The following ROBO2 variants were observed in gnomAD, a reference collection of about 807,000 sequenced individuals.
ROBO2 encodes the protein roundabout homolog 2.
In ROBO2, 53 loss-of-function variants were observed where a neutral mutation model predicts 160.8. The observed-to-expected ratio is 0.33, with a 90% CI of 0.26 to 0.41. ROBO2 has a LOEUF of 0.41. Among genes scored for constraint, ROBO2 ranks in the 10% least tolerant of loss-of-function variants. The pLI is 1.00. For missense variants in ROBO2, 1,577 were observed against 1,722.4 expected (o/e 0.92, Z 1.49); for synonymous variants, 664 against 611.7 (o/e 1.09, Z -1.26).
chr3:75,971,133 G>A (rs530562501), intron 2 of ROBO2, among the ~76,000 whole-genome samples: 2 of 151,344 alleles, frequency 1.3e-5, no homozygotes, highest in East Asian at 3.9e-4. Context: ...AATTAGATGT[G>A]ATTATGACCA....
At chr3:77,638,919 C>T (rs550834755) in intron 24 of ROBO2, among the ~76,000 whole-genome samples, 22 of 149,184 alleles carry the variant, frequency 1.5e-4, no homozygotes, top group Admixed American at 2.0e-4. Flanking sequence ...TCCCACCTTC[C>T]GGGTTCAAGC....
intron 2 of ROBO2, among the ~76,000 whole-genome samples, chr3:77,283,187 G>T (rs971679370): frequency 4.6e-5 from 7 of 152,118 alleles, no homozygotes; most frequent in African/African-American, 1.7e-4. Context: ...AAATGAAGAT[G>T]CATGAAAATA....
At chr3:77,418,424 A>G (rs1255771142) in intron 2 of ROBO2, among the ~76,000 whole-genome samples, 1 of 152,110 alleles carries the variant, frequency 6.6e-6, no homozygotes, top group Non-Finnish European at 1.5e-5. Flanking sequence ...TAAATTAATC[A>G]TGGCTCAATT....
chr3:76,545,618 G>A (rs544008379), intron 2 of ROBO2, among the ~76,000 whole-genome samples: 4 of 151,890 alleles, frequency 2.6e-5, no homozygotes, highest in South Asian at 2.1e-4. Flanking sequence ...TTTGACTCTC[G>A]TGAAATATGT....
chr3:76,456,986 C>T (rs1374228884), intron 2 of ROBO2, among the ~76,000 whole-genome samples: 1 of 152,118 alleles, frequency 6.6e-6, no homozygotes, highest in Non-Finnish European at 1.5e-5. Flanking sequence ...GGGTTCCTCC[C>T]ATAACATGTG....
intron 12 of ROBO2, among the ~76,000 whole-genome samples, chr3:77,566,441 TAA>T (rs1190385985): frequency 6.6e-6 from 1 of 152,120 alleles, no homozygotes; most frequent in South Asian, 2.1e-4. Flanking sequence ...GTGTTTGAAT[TAA>T]GTGTGTAAAT....
chr3:76,494,711 T>G (rs1193172082), intron 2 of ROBO2, among the ~76,000 whole-genome samples: 2 of 152,260 alleles, frequency 1.3e-5, no homozygotes, highest in Non-Finnish European at 1.5e-5. Context: ...CTGGCAGAAG[T>G]TGGGGTGGCG....
chr3:77,186,955 G>A (rs865788174), intron 2 of ROBO2, among the ~76,000 whole-genome samples: 26 of 151,970 alleles, frequency 1.7e-4, no homozygotes, highest in Middle Eastern at 6.8e-3. Context: ...TCACACTTGC[G>A]GTATTCAAGA....
intron 1 of ROBO2, among the ~76,000 whole-genome samples, chr3:77,079,025 C>G (rs745583590): frequency 2.0e-5 from 3 of 152,162 alleles, no homozygotes; most frequent in Non-Finnish European, 4.4e-5. Flanking sequence ...CTCACTGCAA[C>G]CTCTGCCCCC....
chr3:76,286,371 C>A (rs984227776), intron 2 of ROBO2, among the ~76,000 whole-genome samples: 1 of 152,046 alleles, frequency 6.6e-6, no homozygotes, highest in Non-Finnish European at 1.5e-5. Context: ...GGGTCTAGTG[C>A]AAAACTCTTG....
intron 2 of ROBO2, among the ~76,000 whole-genome samples, chr3:77,114,628 G>A (rs2074014354): frequency 6.6e-6 from 1 of 152,044 alleles, no homozygotes; most frequent in East Asian, 1.9e-4. Context: ...CAGGTCTAAG[G>A]CAAATGGTTT....
chr3:76,549,907 C>T (rs1275613171), intron 2 of ROBO2, among the ~76,000 whole-genome samples: 1 of 152,132 alleles, frequency 6.6e-6, no homozygotes, highest in Non-Finnish European at 1.5e-5. Context: ...TAAACTCATT[C>T]CTCTTACTGT....
chr3:76,220,813 C>G (rs1008388153), intron 2 of ROBO2, among the ~76,000 whole-genome samples: 1 of 152,084 alleles, frequency 6.6e-6, no homozygotes, highest in African/African-American at 2.4e-5. Context: ...AATTTTAGTC[C>G]TTAGTTCTAT....
chr3:77,131,157 G>T (rs982820614), intron 2 of ROBO2, among the ~76,000 whole-genome samples: 18 of 152,192 alleles, frequency 1.2e-4, no homozygotes, highest in African/African-American at 4.3e-4. Context: ...TAATGGCTTG[G>T]TGGAACCTTA....
chr3:76,801,640 T>C (rs2064206730), intron 2 of ROBO2, among the ~76,000 whole-genome samples: 2 of 152,092 alleles, frequency 1.3e-5, no homozygotes, highest in East Asian at 1.9e-4. Context: ...CAGCAAAACT[T>C]TCTCTGTATC....
chr3:76,588,666 T>C (rs1467969560), intron 2 of ROBO2, among the ~76,000 whole-genome samples: 1 of 152,208 alleles, frequency 6.6e-6, no homozygotes, highest in Admixed American at 6.5e-5. Context: ...ATGTGATAGA[T>C]ACGTATCACA....
chr3:77,219,842 A>G (rs904352640), intron 2 of ROBO2, among the ~76,000 whole-genome samples: 1 of 151,778 alleles, frequency 6.6e-6, no homozygotes, highest in Non-Finnish European at 1.5e-5. Context: ...CTTTGAAATT[A>G]CATAATCTTA....
At chr3:77,435,734 C>T (rs1325234672) in intron 2 of ROBO2, among the ~76,000 whole-genome samples, 1 of 151,652 alleles carries the variant, frequency 6.6e-6, no homozygotes, top group African/African-American at 2.4e-5. Flanking sequence ...GTATGTGCAG[C>T]ATAGACCAGT....
intron 2 of ROBO2, among the ~76,000 whole-genome samples, chr3:75,967,495 T>C (rs1363402514): frequency 6.6e-6 from 1 of 151,538 alleles, no homozygotes; most frequent in Non-Finnish European, 1.5e-5. Context: ...AACCACATAC[T>C]ACAATAACTA....
Sources: allele counts gnomAD v4.1 joint callset (sites outside exome capture counted in the v4.1 genomes callset), GRCh38; gene constraint gnomAD v4.1.1; transcripts MANE v1.5; gene names NCBI Gene and HGNC (gene_info 2026-07-23, HGNC 2026-07-21).